The following RARB variants were observed in gnomAD, a reference collection of about 807,000 sequenced individuals.
RARB encodes HBV-activated protein.
RARB carries 17 observed loss-of-function variants against 51.9 expected under a neutral mutation model. The ratio of observed to expected loss-of-function variants is 0.33; its 90% CI spans 0.22 to 0.49. The LOEUF (loss-of-function observed/expected upper bound fraction) is 0.49, where lower values mean the gene tolerates loss of function less well. Among genes scored for constraint, RARB ranks in the 20% least tolerant of loss-of-function variants. The probability of loss-of-function intolerance (pLI) is 0.99; values close to 1 mark genes in which losing one functional copy is unlikely to be tolerated. For synonymous variants in RARB, 215 were observed against 195.4 expected (o/e 1.10, Z -0.84); for missense variants, 369 against 550.8 (o/e 0.67, Z 3.30).
intron 1 of RARB, among the ~76,000 whole-genome samples, chr3:25,436,282 G>A (rs533925896): frequency 6.6e-6 from 1 of 152,220 alleles, no homozygotes; most frequent in South Asian, 2.1e-4. Flanking sequence ...CATTTCACAT[G>A]ATTCATCCGT....
Position 25,204,216 on chromosome 3 carries a change from G to A in RARB, c.178+29641G>A, listed in dbSNP as rs924444265. Among the ~76,000 whole-genome samples, 34 of 152,116 alleles carry A rather than the reference G, an allele frequency of 2.2e-4. No homozygotes were observed. In the South Asian group the frequency reaches 5.0e-3, roughly 22 times the overall value. ...TTGATACCCTTTCTTCCAGTTGATCGAATCAGCTACTGAAGCTTGTGCATT... is the reference window on the plus strand; with the variant it reads ...TTGATACCCTTTCTTCCAGTTGATCAAATCAGCTACTGAAGCTTGTGCATT... On this transcript the variant is annotated intron_variant, in intron 5 of 11. Transcript: ENST00000383772.
At chr3:25,556,023 C>G (rs1330160936) in intron 3 of RARB, among the ~76,000 whole-genome samples, 1 of 142,176 alleles carries the variant, frequency 7.0e-6, no homozygotes, top group Non-Finnish European at 1.6e-5. Flanking sequence ...TTTTTTGACC[C>G]CTTAGCAGAA....
intron 5 of RARB, among the ~76,000 whole-genome samples, chr3:25,315,185 C>G (rs994669086): frequency 6.6e-6 from 1 of 151,998 alleles, no homozygotes; most frequent in African/African-American, 2.4e-5. Context: ...TCTGGCATCC[C>G]CAGTCTTCAC....
chr3:25,087,341 T>C (rs1035115027), intron 3 of RARB, among the ~76,000 whole-genome samples: 2 of 152,092 alleles, frequency 1.3e-5, no homozygotes, highest in South Asian at 2.1e-4. Flanking sequence ...ATTTACAGAA[T>C]CTCAGGTTTT....
chr3:25,292,922 C>T lies in RARB; in HGVS notation c.178+118347C>T, dbSNP rs907533640. ...CCTTTGGGGTCTGTGAAACTGAAGA[C>T]GCTCCCAAAATTTAATGCAAACTAA... On this transcript the variant is annotated intron_variant, in intron 5 of 11. Coordinates refer to the RARB transcript ENST00000383772. Among the ~76,000 whole-genome samples, 17 of 152,112 alleles carry T rather than the reference C, an allele frequency of 1.1e-4. 1 individual carries two copies. The highest frequency in any genetic ancestry group is 3.6e-4 in the African/African-American group (15 of 41,426).
chr3:25,498,012 G>T (rs1575461531), intron 2 of RARB, among the ~76,000 whole-genome samples: 1 of 152,284 alleles, frequency 6.6e-6, no homozygotes, highest in East Asian at 1.9e-4. Context: ...TCAGCAAGAA[G>T]TGAGGAGGGC....
At chr3:25,318,673 A>C (rs192622882) in intron 5 of RARB, among the ~76,000 whole-genome samples, 181 of 152,292 alleles carry the variant, frequency 1.2e-3, no homozygotes, top group African/African-American at 4.0e-3. Context: ...AATCTTTAGG[A>C]GCAAATGTAG....
At chr3:25,247,735 T>C (rs900882736) in intron 5 of RARB, among the ~76,000 whole-genome samples, 16 of 152,242 alleles carry the variant, frequency 1.1e-4, no homozygotes, top group African/African-American at 2.9e-4. Flanking sequence ...TTGGCCTGGC[T>C]GGGAGCTGCA....
intron 2 of RARB, among the ~76,000 whole-genome samples, chr3:25,008,141 C>T (rs1160197164): frequency 1.3e-5 from 2 of 152,126 alleles, no homozygotes; most frequent in African/African-American, 4.8e-5. Context: ...TCTTGGCCTA[C>T]AAGCTGATGT....
rs150722081 is a variant in RARB at position 24,923,201 on chromosome 3, T to C, written c.-380+64449T>C. ...TAAGATCAGAAAGGTGCTTCATAAA[T>C]ATATAGTTTAATTCTAGCAATATAT... On this transcript the variant is annotated intron_variant, in intron 2 of 11. Transcript: ENST00000383772. Among the ~76,000 whole-genome samples the C allele has an allele frequency of 1.0e-3, 154 of 152,304 alleles. 1 individual carries two copies. The highest frequency in any genetic ancestry group is 9.5e-3 in the East Asian group (49 of 5,178).
chr3:25,294,139 C>T (rs888952994), intron 5 of RARB, among the ~76,000 whole-genome samples: 1 of 152,060 alleles, frequency 6.6e-6, no homozygotes, highest in Non-Finnish European at 1.5e-5. Context: ...TCAGAACTTG[C>T]CAAAAGGATC....
At chr3:25,261,725 G>A (rs1872145) in intron 5 of RARB, among the ~76,000 whole-genome samples, 2,588 of 152,142 alleles carry the variant, frequency 0.017, 58 homozygotes, top group African/African-American at 0.057. Context: ...TATCTCACTC[G>A]AGGGCACCTT....
intron 3 of RARB, among the ~76,000 whole-genome samples, chr3:25,527,797 T>C (rs1251129839): frequency 6.6e-6 from 1 of 152,208 alleles, no homozygotes. Flanking sequence ...ACTGTGATTA[T>C]CTTTGCTTCT....
chr3:25,460,850 CTA>C (rs1323364809), intron 1 of RARB, among the ~76,000 whole-genome samples: 2 of 152,216 alleles, frequency 1.3e-5, no homozygotes, highest in Admixed American at 1.3e-4. Flanking sequence ...TGTCTTGGCT[CTA>C]CCACTGCTCT....
chr3:25,500,969 T>G (rs1697282060), intron 2 of RARB, among the ~76,000 whole-genome samples: 1 of 152,212 alleles, frequency 6.6e-6, no homozygotes, highest in Non-Finnish European at 1.5e-5. Flanking sequence ...AATGGTCATG[T>G]CTAGTTTTGA....
At chr3:24,876,745 C>A (rs1035336143) in intron 2 of RARB, among the ~76,000 whole-genome samples, 1 of 152,088 alleles carries the variant, frequency 6.6e-6, no homozygotes, top group Non-Finnish European at 1.5e-5. Context: ...AAACAACCAA[C>A]TTGCCATGTG....
intron 2 of RARB, among the ~76,000 whole-genome samples, chr3:25,463,192 G>T (rs1355427764): frequency 1.3e-5 from 2 of 152,058 alleles, no homozygotes; most frequent in South Asian, 2.1e-4. Flanking sequence ...TTCTTAATGG[G>T]CAGAGCTTCA....
chr3:25,067,147 G>A (rs1482666677), intron 3 of RARB, among the ~76,000 whole-genome samples: 4 of 152,136 alleles, frequency 2.6e-5, no homozygotes, highest in Non-Finnish European at 4.4e-5. Context: ...GTGAGCACCT[G>A]GTTGTAGAGA....
intron 3 of RARB, among the ~76,000 whole-genome samples, chr3:25,519,625 A>G (rs1698318823): frequency 6.6e-6 from 1 of 152,216 alleles, no homozygotes; most frequent in Non-Finnish European, 1.5e-5. Context: ...ATAAGATTTG[A>G]AAGATAAAAC....
Sources: allele counts gnomAD v4.1 joint callset (sites outside exome capture counted in the v4.1 genomes callset), GRCh38; gene constraint gnomAD v4.1.1; transcripts MANE v1.5; gene names NCBI Gene and HGNC (gene_info 2026-07-23, HGNC 2026-07-21).